PRICKLE2: variants seen among roughly 807,000 people sequenced by gnomAD.
The protein encoded by PRICKLE2 is prickle planar cell polarity protein 2.
A neutral mutation model predicts 81.4 loss-of-function variants in PRICKLE2; 21 were observed. That is an observed-to-expected ratio of 0.26 (90% CI 0.18 to 0.37). The LOEUF (loss-of-function observed/expected upper bound fraction) is 0.37. Among genes scored for constraint, PRICKLE2 ranks in the 10% least tolerant of loss-of-function variants. PRICKLE2 has a pLI of 1.00. For missense variants in PRICKLE2, 940 were observed against 1,109.0 expected (o/e 0.85, Z 2.16); for synonymous variants, 456 against 421.5 (o/e 1.08, Z -1.00).
At chr3:64,257,239 T>C (rs1365921218) in intron 2 of PRICKLE2, among the ~76,000 whole-genome samples, 1 of 152,210 alleles carries the variant, frequency 6.6e-6, no homozygotes, top group Non-Finnish European at 1.5e-5. Flanking sequence ...TTGGGCAATG[T>C]TGCCAAGCTT....
chr3:64,252,152 C>A (rs900896365), intron 2 of PRICKLE2, among the ~76,000 whole-genome samples: 1 of 152,162 alleles, frequency 6.6e-6, no homozygotes, highest in Non-Finnish European at 1.5e-5. Context: ...TAGTTTCCTA[C>A]CTGATAAGGT....
intron 2 of PRICKLE2, among the ~76,000 whole-genome samples, chr3:64,252,890 A>G (rs2079469380): frequency 6.6e-6 from 1 of 152,224 alleles, no homozygotes; most frequent in Non-Finnish European, 1.5e-5. Flanking sequence ...AGTGAAGACA[A>G]GACAAAAGTA....
At chr3:64,144,106 C>T (rs2077406168) in intron 7 of PRICKLE2, among the ~76,000 whole-genome samples, 1 of 152,182 alleles carries the variant, frequency 6.6e-6, no homozygotes, top group Non-Finnish European at 1.5e-5. Flanking sequence ...TTTTGTTTGT[C>T]TAGCAGTGTT....
chr3:64,125,569 C>A (rs1172616795), intron 7 of PRICKLE2, among the ~76,000 whole-genome samples: 1 of 152,192 alleles, frequency 6.6e-6, no homozygotes, highest in Non-Finnish European at 1.5e-5. Flanking sequence ...AATATGGAGG[C>A]AACACTCTCC....
intron 1 of PRICKLE2, among the ~76,000 whole-genome samples, chr3:64,219,810 T>C (rs1361897235): frequency 6.6e-6 from 1 of 152,206 alleles, no homozygotes. Flanking sequence ...ACTCTAATTA[T>C]CCTGGGTTCG....
At chr3:64,145,097 ATTTTT>A (rs56414517) in intron 7 of PRICKLE2, among the ~76,000 whole-genome samples, 1 of 140,026 alleles carries the variant, frequency 7.1e-6, no homozygotes, top group Non-Finnish European at 1.5e-5. Flanking sequence ...ATAATATTAA[ATTTTT>A]TTTTTTTTTT....
At position 64,098,698 on chromosome 3, in the gene PRICKLE2, A is replaced by C. The variant is rs2106934206; in HGVS notation, c.*353T>G. 1 of 263,350 alleles carries C rather than the reference A, an allele frequency of 3.8e-6. No individual in the cohort carries two copies. Among genetic ancestry groups the C allele is most frequent in the Middle Eastern group, 1.4e-3 (1 of 714 alleles). 16.3% of individuals were successfully genotyped at this position (263,350 alleles called of 1,614,324 possible). On this transcript the variant is annotated 3_prime_UTR_variant, in exon 8 of 8. Coordinates refer to ENST00000638394, the MANE Select transcript of PRICKLE2 (RefSeq NM_198859.4). ...TGGCTAATAAACAAATTACTTACTGAAAAAAGGGTCCTAAAAGTAAGAGAA... is the reference window on the plus strand; with the variant it reads ...TGGCTAATAAACAAATTACTTACTGCAAAAAGGGTCCTAAAAGTAAGAGAA...
In PRICKLE2 at chr3:64,147,398, C is replaced by T; in HGVS notation, c.1092G>A (p.Arg364=). ...ACAGGGGGTCTACGTCGGCTGACAG[C>T]CGGTTAGAACTCACTTGCAGCTGGC... The part of the protein sequence containing the change: ...QHSQLQVSSN[R]LSADVDPLSL... Residue 364 remains arginine (R), a synonymous_variant, in exon 7 of 8, where the codon CGG becomes CGA. Transcript: ENST00000638394. This position sits in a 1 kb window ranked among gnomAD's most constrained non-coding sequence, Gnocchi z 5.0. The T allele has an allele frequency of 6.2e-7, 1 of 1,614,254 alleles. No homozygotes were observed. The highest frequency in any genetic ancestry group is 1.3e-5 in the African/African-American group (1 of 75,070).
At chr3:64,102,377 T>C (rs539488596) in intron 7 of PRICKLE2, 1 of 152,364 alleles carries the variant, frequency 6.6e-6, no homozygotes, top group East Asian at 1.9e-4. Flanking sequence ...GACCTCTGCC[T>C]CCTGACAGAT....
chr3:64,149,315 C>A (rs536956802), intron 6 of PRICKLE2, among the ~76,000 whole-genome samples: 1 of 152,338 alleles, frequency 6.6e-6, no homozygotes, highest in Non-Finnish European at 1.5e-5. Context: ...GCTCTCCTGG[C>A]ACCCAGGGAC....
In PRICKLE2 at chr3:64,099,992, G is replaced by A; in HGVS notation, c.1661-67C>T. On this transcript the variant is annotated intron_variant, in intron 7 of 7. Transcript: ENST00000638394. This position sits in a 1 kb window ranked among gnomAD's most constrained non-coding sequence, Gnocchi z 4.3. The stretch of plus-strand genomic sequence containing the variant: ...TGCAGCAATGGGTATCACTGTCACT[G>A]CTGGTCATCTATCTAGGGTCATTAT... The A allele has an allele frequency of 6.5e-7, 1 of 1,528,044 alleles. No homozygotes were observed. Among genetic ancestry groups the A allele is most frequent in the Non-Finnish European group, 9.0e-7 (1 of 1,105,072 alleles). The allele number at this position is 1,528,044 out of a possible 1,614,324, so 94.7% of individuals were successfully genotyped here.
chr3:64,171,943 C>T (rs920366956), intron 2 of PRICKLE2, among the ~76,000 whole-genome samples: 8 of 152,164 alleles, frequency 5.3e-5, no homozygotes, highest in East Asian at 1.9e-4. Context: ...GAGTTAACTT[C>T]GTTTGAACAA....
chr3:64,245,614 A>G (rs1442537171), intron 2 of PRICKLE2, among the ~76,000 whole-genome samples: 1 of 152,210 alleles, frequency 6.6e-6, no homozygotes, highest in Admixed American at 6.5e-5. Flanking sequence ...TTGACCAGGC[A>G]ATGTAAGTAT....
intron 2 of PRICKLE2, among the ~76,000 whole-genome samples, chr3:64,179,007 C>CTT (rs770572711): frequency 1.1e-4 from 16 of 146,260 alleles, no homozygotes; most frequent in African/African-American, 3.6e-4. Context: ...TTCTTTCTTT[C>CTT]TTTCTTTCTT....
chr3:64,149,891 T>A (rs2077516518), intron 6 of PRICKLE2, among the ~76,000 whole-genome samples: 1 of 151,888 alleles, frequency 6.6e-6, no homozygotes, highest in Admixed American at 6.6e-5. Context: ...GATTTTTTTT[T>A]ATAGGGATAG....
chr3:64,115,353 C>A (rs1374911998), intron 7 of PRICKLE2, among the ~76,000 whole-genome samples: 1 of 152,104 alleles, frequency 6.6e-6, no homozygotes, highest in East Asian at 1.9e-4. Context: ...CATATCAGTA[C>A]TAACCTTAAA....
intron 7 of PRICKLE2, among the ~76,000 whole-genome samples, chr3:64,135,840 C>T (rs2077270723): frequency 6.6e-6 from 1 of 152,156 alleles, no homozygotes; most frequent in South Asian, 2.1e-4. Context: ...AACAATCAAA[C>T]ACACAACAAA....
chr3:64,113,943 A>G (rs1295504414), intron 7 of PRICKLE2, among the ~76,000 whole-genome samples: 1 of 152,208 alleles, frequency 6.6e-6, no homozygotes, highest in Non-Finnish European at 1.5e-5. Context: ...GTGAACACCC[A>G]CAGGGAGGTA....
chr3:64,117,193 A>G (rs554974996), intron 7 of PRICKLE2, among the ~76,000 whole-genome samples: 142 of 152,314 alleles, frequency 9.3e-4, no homozygotes, highest in African/African-American at 3.2e-3. Context: ...TACTTAATGA[A>G]CATACCTCAA....
Sources: gnomAD v4.1 joint callset for allele counts (sites outside exome capture counted in the v4.1 genomes callset) on GRCh38, gnomAD v4.1.1 for gene constraint, Gnocchi (gnomAD v3.1) non-coding constraint, MANE v1.5 for transcripts, NCBI Gene and HGNC (gene_info 2026-07-23, HGNC 2026-07-21) for gene names.